The following FUT9 variants were observed in gnomAD, a reference collection of about 807,000 sequenced individuals.
FUT9 encodes fucosyltransferase 9, also known as 4-galactosyl-N-acetylglucosaminide 3-alpha-L-fucosyltransferase 9.
FUT9 carries 15 observed loss-of-function variants against 29.7 expected under a neutral mutation model. That is an observed-to-expected ratio of 0.51 (90% CI 0.34 to 0.78). The LOEUF (loss-of-function observed/expected upper bound fraction) is 0.78, where lower values mean the gene tolerates loss of function less well. FUT9 is among the 30% of genes least tolerant of loss of function. The pLI, the probability that FUT9 is intolerant of heterozygous loss-of-function variation, is 0.01. For missense variants in FUT9, 319 were observed against 425.4 expected, an observed-to-expected ratio of 0.75 and a Z score of 2.20; for synonymous variants, 169 against 153.7, an observed-to-expected ratio of 1.10 and a Z score of -0.74.
intron 1 of FUT9, chr6:96,020,740 G>C (rs1303702697): frequency 6.6e-6 from 1 of 152,056 alleles, no homozygotes; most frequent in Admixed American, 6.6e-5. Flanking sequence ...AACGTGCTTG[G>C]ACTGATGTAA....
At chr6:96,107,293 C>A (rs1180320348) in intron 1 of FUT9, among the ~76,000 whole-genome samples, 1 of 152,130 alleles carries the variant, frequency 6.6e-6, no homozygotes, top group Non-Finnish European at 1.5e-5. Context: ...CCCCAACAAC[C>A]ACAACAGCAC....
chr6:96,099,633 T>C (rs775263811), intron 1 of FUT9, among the ~76,000 whole-genome samples: 3 of 152,146 alleles, frequency 2.0e-5, no homozygotes, highest in Non-Finnish European at 4.4e-5. Context: ...TAAAATTTAC[T>C]TCAGACTTTC....
At position 96,203,252 on chromosome 6, in the gene FUT9, A is replaced by G; in HGVS notation, c.97A>G (p.Thr33Ala). Residue 33 changes from threonine (T) to alanine (A), a missense_variant, in exon 3 of 3, where the codon ACC (threonine) becomes GCC (alanine). Thr to Ala is a moderately conservative substitution (Grantham distance 58). Coordinates refer to ENST00000302103, the MANE Select transcript of FUT9 (RefSeq NM_006581.4). ...MACLLIYIKP[T>A]NSWIFSPMES... ...ATGTCTTCTCATTTACATCAAACCTACCAACAGCTGGATCTTCAGTCCAAT... is the reference window on the plus strand; with the variant it reads ...ATGTCTTCTCATTTACATCAAACCTGCCAACAGCTGGATCTTCAGTCCAAT... 2 of 1,613,808 alleles carry G rather than the reference A, an allele frequency of 1.2e-6. No individual in the cohort carries two copies. The highest frequency in any genetic ancestry group is 1.7e-6 in the Non-Finnish European group (2 of 1,179,830).
At chr6:96,128,361 A>G (rs1365955318) in intron 2 of FUT9, among the ~76,000 whole-genome samples, 9 of 152,222 alleles carry the variant, frequency 5.9e-5, no homozygotes, top group African/African-American at 1.9e-4. Context: ...GGAAATAAAA[A>G]TTATCCCAAT....
chr6:96,203,382 C>A lies in FUT9; in HGVS notation c.227C>A (p.Thr76Asn). 6.2e-7 allele frequency: 1 copy of A among 1,611,836 alleles called. No individual in the cohort carries two copies. The highest frequency in any genetic ancestry group is 8.5e-7 in the Non-Finnish European group (1 of 1,178,592). ...ILVWVWPFGQ[T>N]FDLTSCQAMF... ...GTGTGGGTGTGGCCATTTGGGCAGA[C>A]CTTTGACCTTACATCCTGCCAAGCA... Residue 76 changes from threonine to asparagine, a missense_variant, in exon 3 of 3, where the codon ACC becomes AAC. Coordinates refer to ENST00000302103, the MANE Select transcript of FUT9 (RefSeq NM_006581.4).
chr6:96,126,090 G>A (rs1474875841), intron 2 of FUT9, among the ~76,000 whole-genome samples: 1 of 152,104 alleles, frequency 6.6e-6, no homozygotes, highest in African/African-American at 2.4e-5. Context: ...CCTCTCTCAT[G>A]TCGGCGCAGG....
chr6:96,111,580 C>T (rs920764130), intron 1 of FUT9, among the ~76,000 whole-genome samples: 1 of 110,254 alleles, frequency 9.1e-6, no homozygotes, highest in South Asian at 3.1e-4. Context: ...CACACACACA[C>T]ACACAAATCT....
Position 96,023,404 on chromosome 6 carries a change from G to A in FUT9, c.-98+7192G>A, listed in dbSNP as rs149688062. On this transcript the variant is annotated intron_variant, in intron 1 of 2. Transcript: ENST00000302103. ...GAAGCTTCTAACTGGCTGATTAACA[G>A]GACATCATCTGTATAGTGAAAGCTT... 3.0e-3 allele frequency among the ~76,000 whole-genome samples: 461 copies of A among 152,038 alleles called. 1 individual carries two copies. The highest frequency in any genetic ancestry group is 0.01 in the African/African-American group (425 of 41,498).
At chr6:96,126,547 C>T (rs1772137345) in intron 2 of FUT9, among the ~76,000 whole-genome samples, 1 of 152,134 alleles carries the variant, frequency 6.6e-6, no homozygotes, top group African/African-American at 2.4e-5. Flanking sequence ...CTATTTATAC[C>T]ATAGTTTTGC....
At chr6:96,053,235 G>A (rs987602743) in intron 1 of FUT9, among the ~76,000 whole-genome samples, 1 of 151,922 alleles carries the variant, frequency 6.6e-6, no homozygotes, top group African/African-American at 2.4e-5. Context: ...TTAAAGCAAG[G>A]CATTTTTTAG....
chr6:96,131,395 C>T (rs1273615234), intron 2 of FUT9, among the ~76,000 whole-genome samples: 1 of 151,986 alleles, frequency 6.6e-6, no homozygotes, highest in Non-Finnish European at 1.5e-5. Flanking sequence ...CCAGCACTGA[C>T]CAATGCAGTT....
intron 2 of FUT9, among the ~76,000 whole-genome samples, chr6:96,118,671 G>A (rs1300488135): frequency 6.6e-6 from 1 of 152,074 alleles, no homozygotes; most frequent in East Asian, 1.9e-4. Flanking sequence ...TTATTAAACA[G>A]CCTCAGACAG....
intron 2 of FUT9, among the ~76,000 whole-genome samples, chr6:96,176,616 G>A (rs1028081433): frequency 1.4e-4 from 22 of 152,162 alleles, no homozygotes; most frequent in African/African-American, 3.4e-4. Context: ...TTTTTCATTC[G>A]CCCAGATATT....
At chr6:96,020,657 A>T (rs1021691626) in intron 1 of FUT9, among the ~76,000 whole-genome samples, 3 of 152,072 alleles carry the variant, frequency 2.0e-5, no homozygotes, top group Non-Finnish European at 2.9e-5. Context: ...CCATCATTTC[A>T]TCTAGGAAGA....
intron 2 of FUT9, among the ~76,000 whole-genome samples, chr6:96,199,984 G>C (rs1207865564): frequency 1.1e-4 from 17 of 152,148 alleles, no homozygotes; most frequent in Non-Finnish European, 2.9e-5. Flanking sequence ...GGGAATCAGT[G>C]ATCTAAAATG....
chr6:96,184,417 TG>T (rs1289838549), intron 2 of FUT9, among the ~76,000 whole-genome samples: 5 of 152,042 alleles, frequency 3.3e-5, no homozygotes, highest in African/African-American at 7.2e-5. Context: ...ATATATCTTT[TG>T]TTTTTTTGTT....
intron 2 of FUT9, among the ~76,000 whole-genome samples, chr6:96,155,983 G>A (rs1057498985): frequency 3.9e-5 from 6 of 152,146 alleles, no homozygotes; most frequent in African/African-American, 1.4e-4. Context: ...TCTTTTGGAG[G>A]TTATAAAACC....
intron 1 of FUT9, among the ~76,000 whole-genome samples, chr6:96,101,460 A>G (rs1346523129): frequency 6.6e-6 from 1 of 151,872 alleles, no homozygotes; most frequent in East Asian, 2.0e-4. Context: ...GAGGCAGGAG[A>G]ATCACCTGAA....
chr6:96,050,110 A>G (rs1411801587), intron 1 of FUT9, among the ~76,000 whole-genome samples: 1 of 152,072 alleles, frequency 6.6e-6, no homozygotes, highest in African/African-American at 2.4e-5. Flanking sequence ...CTCTGCTCAT[A>G]TGCATGCTCC....
Sources: gnomAD v4.1 joint callset for allele counts (sites outside exome capture counted in the v4.1 genomes callset) on GRCh38, gnomAD v4.1.1 for gene constraint, MANE v1.5 for transcripts, NCBI Gene and HGNC (gene_info 2026-07-23, HGNC 2026-07-21) for gene names.